Variants in PIK3CG observed in about 807,000 individuals in gnomAD.
PIK3CG encodes phosphatidylinositol-4,5-bisphosphate 3-kinase catalytic subunit gamma.
PIK3CG carries 55 observed loss-of-function variants against 102.3 expected under a neutral mutation model. The ratio of observed to expected loss-of-function variants is 0.54; its 90% CI spans 0.43 to 0.67. The LOEUF (loss-of-function observed/expected upper bound fraction) is 0.67, where lower values mean the gene tolerates loss of function less well. Ranked by LOEUF, PIK3CG falls within the 30% of genes least tolerant of loss-of-function variation. The pLI is 0.00. For synonymous variants in PIK3CG, 552 were observed against 540.0 expected (o/e 1.02, Z -0.31); for missense variants, 1,258 against 1,391.8 (o/e 0.90, Z 1.53).
Position 106,879,161 on chromosome 7 carries a change from G to A in PIK3CG, c.2392-358G>A, listed in dbSNP as rs555349262. On this transcript the variant is annotated intron_variant, in intron 5 of 10. Transcript: ENST00000496166. This position sits in a 1 kb window ranked among gnomAD's most constrained non-coding sequence, Gnocchi z 4.9. ...CTTTTTTCAAATTAAATCTCAGAAG[G>A]CGGACAAATATAATAGCCAGGTTGC... 6.6e-6 allele frequency among the ~76,000 whole-genome samples: 1 copy of A among 152,224 alleles called. No homozygotes were observed. The highest frequency in any genetic ancestry group is 2.4e-5 in the African/African-American group (1 of 41,530).
At chr7:106,889,188 C>T (rs908430377) in intron 10 of PIK3CG, among the ~76,000 whole-genome samples, 11 of 152,158 alleles carry the variant, frequency 7.2e-5, no homozygotes, top group Non-Finnish European at 1.2e-4. Context: ...TCCCCAACCC[C>T]TCTCTGCTTA....
chr7:106,879,744 C>T lies in PIK3CG; in HGVS notation c.2538+79C>T, dbSNP rs2116526492. Reference sequence around the variant, plus strand: ...TCAAAAACATGCTTTCTCCTACTGGCTCTATTCCCACTCTCTTCTTTCAAG... The same window carrying T: ...TCAAAAACATGCTTTCTCCTACTGGTTCTATTCCCACTCTCTTCTTTCAAG... On this transcript the variant is annotated intron_variant, in intron 6 of 10. Transcript: ENST00000496166. The surrounding 1 kb of genome is among the most constrained non-coding windows in gnomAD (Gnocchi z 4.9). The T allele has an allele frequency of 9.8e-7, 1 of 1,023,878 alleles. No individual in the cohort carries two copies. The highest frequency in any genetic ancestry group is 2.4e-5 in the East Asian group (1 of 41,208). 63.4% of individuals were successfully genotyped at this position (1,023,878 alleles called of 1,614,324 possible).
intron 4 of PIK3CG, among the ~76,000 whole-genome samples, chr7:106,873,696 C>T (rs753089028): frequency 1.4e-4 from 21 of 151,826 alleles, no homozygotes; most frequent in Non-Finnish European, 2.8e-4. Context: ...TCCTTACAGA[C>T]AGCAAGAGAC....
At chr7:106,888,477 C>A (rs1411715393) in intron 10 of PIK3CG, among the ~76,000 whole-genome samples, 2 of 152,212 alleles carry the variant, frequency 1.3e-5, no homozygotes, top group Admixed American at 1.3e-4. Context: ...TTTCTTCCCA[C>A]TATCGGCATC....
intron 2 of PIK3CG, among the ~76,000 whole-genome samples, chr7:106,871,670 A>T (rs200728804): frequency 6.6e-6 from 1 of 152,068 alleles, no homozygotes; most frequent in Admixed American, 6.5e-5. Flanking sequence ...AATCTGAACA[A>T]TGTTAGTGTT....
In PIK3CG at chr7:106,880,520, TC is replaced by T; in HGVS notation, c.2538+857del. Among the ~76,000 whole-genome samples, 1 of 152,340 alleles carries T rather than the reference TC, an allele frequency of 6.6e-6. No homozygotes were observed. Among genetic ancestry groups the T allele is most frequent in the East Asian group, 1.9e-4 (1 of 5,190 alleles). ...GTATTTTAGAAAAGAAAAAGAGAAA[TC>T]CTTCAAACTTTTTGCAAGTTTATTA... On this transcript the variant is annotated intron_variant, in intron 6 of 10. Transcript: ENST00000496166. This position sits in a 1 kb window ranked among gnomAD's most constrained non-coding sequence, Gnocchi z 4.2.
chr7:106,879,757 CTCTT>C lies in PIK3CG; in HGVS notation c.2538+93_2538+96del, dbSNP rs1210974834. The C allele has an allele frequency of 1.1e-6, 1 of 921,838 alleles. No individual in the cohort carries two copies. Among genetic ancestry groups the C allele is most frequent in the African/African-American group, 1.7e-5 (1 of 60,352 alleles). 57.1% of individuals were successfully genotyped at this position (921,838 alleles called of 1,614,324 possible). ...TTCTCCTACTGGCTCTATTCCCACT[CTCTT>C]CTTTCAAGTGATGAATTGTGATCAA... On this transcript the variant is annotated intron_variant, in intron 6 of 10. Coordinates refer to ENST00000496166, the MANE Select transcript of PIK3CG (RefSeq NM_001282426.2). The surrounding 1 kb of genome is among the most constrained non-coding windows in gnomAD (Gnocchi z 4.9).
rs2116550784 is a variant in PIK3CG, at chr7:106,884,137, C to G, written c.2761-18C>G. On this transcript the variant is annotated intron_variant, in intron 8 of 10. Coordinates refer to ENST00000496166, the MANE Select transcript of PIK3CG (RefSeq NM_001282426.2). The surrounding 1 kb of genome is among the most constrained non-coding windows in gnomAD (Gnocchi z 4.2). Reference sequence around the variant, plus strand: ...TTGTAGTTAGAAGACAACTAATATTCAAATGCATTTTAATTAGTTTCAGGC... The same window carrying G: ...TTGTAGTTAGAAGACAACTAATATTGAAATGCATTTTAATTAGTTTCAGGC... 2.0e-6 allele frequency: 3 copies of G among 1,525,346 alleles called. No individual in the cohort carries two copies. In the South Asian group the frequency reaches 3.4e-5, roughly 17 times the overall value. The allele number at this position is 1,525,346 out of a possible 1,614,324, so 94.5% of individuals were successfully genotyped here. A position where few individuals can be genotyped will look rare whatever the true frequency, so the allele number is the denominator to read the frequency against.
At chr7:106,876,558 A>ATTTTTTT (rs747506191) in intron 5 of PIK3CG, among the ~76,000 whole-genome samples, 1 of 136,420 alleles carries the variant, frequency 7.3e-6, no homozygotes. Flanking sequence ...CACCCAGCTA[A>ATTTTTTT]TTTTTTTTTT....
intron 10 of PIK3CG, among the ~76,000 whole-genome samples, chr7:106,887,432 TG>T (rs1791132116): frequency 6.6e-6 from 1 of 152,190 alleles, no homozygotes; most frequent in Admixed American, 6.5e-5. Context: ...AGGTTACCCT[TG>T]GGAGACGACA....
intron 10 of PIK3CG, among the ~76,000 whole-genome samples, chr7:106,888,342 C>T (rs1791167284): frequency 6.6e-6 from 1 of 152,152 alleles, no homozygotes; most frequent in Non-Finnish European, 1.5e-5. Context: ...CCATAGACCC[C>T]CTGGTGCCCA....
Position 106,884,287 on chromosome 7 carries a change from A to G in PIK3CG, c.2872+21A>G, listed in dbSNP as rs774398306. On this transcript the variant is annotated intron_variant, in intron 9 of 10. Coordinates refer to ENST00000496166, the MANE Select transcript of PIK3CG (RefSeq NM_001282426.2). The surrounding 1 kb of genome is among the most constrained non-coding windows in gnomAD (Gnocchi z 4.2). ...GACAGGTGAGTTTATTTAGTGCAGA[A>G]TAAACTTTTATTGTGGTAAAATATA... The G allele has an allele frequency of 2.1e-6, 3 of 1,445,624 alleles. No homozygotes were observed. The allele number at this position is 1,445,624 out of a possible 1,614,324, so 89.5% of individuals were successfully genotyped here.
Position 106,879,693 on chromosome 7 carries a change from T to G in PIK3CG, c.2538+28T>G. The G allele has an allele frequency of 1.3e-6, 2 of 1,564,024 alleles. No individual in the cohort carries two copies. The highest frequency in any genetic ancestry group is 1.8e-6 in the Non-Finnish European group (2 of 1,137,944). On this transcript the variant is annotated intron_variant, in intron 6 of 10. Coordinates refer to ENST00000496166, the MANE Select transcript of PIK3CG (RefSeq NM_001282426.2). This position sits in a 1 kb window ranked among gnomAD's most constrained non-coding sequence, Gnocchi z 4.9. ...ATGCTAATTTTAAGATTGTTTTCAA[T>G]TATCTGAAAACAATTCTATATTACA...
chr7:106,868,158 C>T lies in PIK3CG; in HGVS notation c.597C>T (p.His199=). The change falls in exon 2 of 11, where the codon CAC becomes CAT. Residue 199 remains histidine, a synonymous_variant. Transcript: ENST00000496166. This position sits in a 1 kb window ranked among gnomAD's most constrained non-coding sequence, Gnocchi z 6.2. ...GCGACCCCAAGCTCTACGCCATGCA[C>T]CCGTGGGTGACGTCCAAGCCCCTCC... ...ASRDPKLYAM[H]PWVTSKPLPE... 2 of 1,613,136 alleles carry T rather than the reference C, an allele frequency of 1.2e-6. No homozygotes were observed. The highest frequency in any genetic ancestry group is 8.5e-7 in the Non-Finnish European group (1 of 1,180,040).
chr7:106,906,132 C>T lies in PIK3CG; in HGVS notation c.*745C>T, dbSNP rs141246394. On this transcript the variant is annotated 3_prime_UTR_variant, in exon 11 of 11. Coordinates refer to ENST00000496166, the MANE Select transcript of PIK3CG (RefSeq NM_001282426.2). ...AGTATAGCTTTCTCCAGCATGGCAG[C>T]AGGAAGTAACTACAGGGCCTCTTTT... 119 of 227,566 alleles carry T rather than the reference C, an allele frequency of 5.2e-4. No individual in the cohort carries two copies. Among genetic ancestry groups the T allele is most frequent in the African/African-American group, 2.6e-3 (115 of 44,678 alleles). The allele number at this position is 227,566 out of a possible 1,614,324, so 14.1% of individuals were successfully genotyped here. A position where few individuals can be genotyped will look rare whatever the true frequency, so the allele number is the denominator to read the frequency against.
rs1294060363 is a variant in PIK3CG, at chr7:106,903,287, A to G, written c.3031-1822A>G. Among the ~76,000 whole-genome samples, 2 of 152,094 alleles carry G rather than the reference A, an allele frequency of 1.3e-5. No individual in the cohort carries two copies. The highest frequency in any genetic ancestry group is 2.4e-5 in the African/African-American group (1 of 41,418). ...TTTCAAAATGTTCTCTCAGGCCCTA[A>G]TTATTTCAGATGAACTTTAAACCAT... On this transcript the variant is annotated intron_variant, in intron 10 of 10. Transcript: ENST00000496166. The surrounding 1 kb of genome is among the most constrained non-coding windows in gnomAD (Gnocchi z 4.3).
rs1790341108 is a variant in PIK3CG at position 106,867,645 on chromosome 7, T to G, written c.84T>G (p.Ala28=). The change falls in exon 2 of 11, where the codon GCT becomes GCG. Residue 28 remains alanine (A), a synonymous_variant. Transcript: ENST00000496166. This position sits in a 1 kb window ranked among gnomAD's most constrained non-coding sequence, Gnocchi z 5.1. ...RRRRRMKPRS[A]AASLSSMELI... ...GCCGGAGGATGAAGCCGCGCAGTGC[T>G]GCGGCCAGCCTGTCCTCCATGGAGC... 4 of 1,613,244 alleles carry G rather than the reference T, an allele frequency of 2.5e-6. No homozygotes were observed. Among genetic ancestry groups the G allele is most frequent in the South Asian group, 1.1e-5 (1 of 91,068 alleles).
chr7:106,902,417 T>C lies in PIK3CG; in HGVS notation c.3031-2692T>C, dbSNP rs1238456046. Among the ~76,000 whole-genome samples the C allele has an allele frequency of 2.0e-5, 3 of 152,154 alleles. No homozygotes were observed. The highest frequency in any genetic ancestry group is 6.5e-5 in the Admixed American group (1 of 15,284). ...TGTAACCACCATCACAATTAAGTTA[T>C]ATAACATTTATAAGCACTTTAAAGC... On this transcript the variant is annotated intron_variant, in intron 10 of 10. Transcript: ENST00000496166. The surrounding 1 kb of genome is among the most constrained non-coding windows in gnomAD (Gnocchi z 4.3).
chr7:106,904,059 C>A (rs1021902883), intron 10 of PIK3CG, among the ~76,000 whole-genome samples: 1 of 152,086 alleles, frequency 6.6e-6, no homozygotes, highest in African/African-American at 2.4e-5. Flanking sequence ...CCGCACCAGG[C>A]CCACTTTTCT....
Sources: gnomAD v4.1 joint callset for allele counts (sites outside exome capture counted in the v4.1 genomes callset) on GRCh38, gnomAD v4.1.1 for gene constraint, Gnocchi (gnomAD v3.1) non-coding constraint, MANE v1.5 for transcripts, NCBI Gene and HGNC (gene_info 2026-07-23, HGNC 2026-07-21) for gene names.